Variants in ACBD4 observed in about 807,000 individuals in gnomAD.
ACBD4 encodes acyl-CoA binding domain containing 4.
ACBD4 carries 41 observed loss-of-function variants against 46.0 expected under a neutral mutation model. That is an observed-to-expected ratio of 0.89 (90% confidence interval 0.69 to 1.16). ACBD4 has a LOEUF of 1.16. ACBD4 is among the 50% of genes most tolerant of loss of function. ACBD4 has a pLI of 0.00. For synonymous variants in ACBD4, 162 were observed against 155.9 expected, an observed-to-expected ratio of 1.04 and a Z score of -0.29; for missense variants, 393 against 399.5, an observed-to-expected ratio of 0.98 and a Z score of 0.14.
rs772819405 is a variant in ACBD4, at chr17:45,136,490, C to G, written c.89-10C>G. The stretch of plus-strand genomic sequence containing the variant: ...GATGCTTTGCCCTGGCTTCCCAACT[C>G]TCTGCCCAGGTTCTTACCGCCCCTC... On this transcript the variant is annotated splice_polypyrimidine_tract_variant and intron_variant, in intron 2 of 9. Coordinates refer to ENST00000321854, the MANE Select transcript of ACBD4 (RefSeq NM_001135705.3). 5.6e-6 allele frequency: 9 copies of G among 1,610,090 alleles called. No homozygotes were observed. The highest frequency in any genetic ancestry group is 6.8e-6 in the Non-Finnish European group (8 of 1,177,924).
chr17:45,143,075 T>C (rs2143968677), intron 9 of ACBD4: 1 of 177,716 alleles, frequency 5.6e-6, no homozygotes, highest in South Asian at 1.7e-4. Flanking sequence ...TAGTGGAGAA[T>C]GATACTTGGA....
chr17:45,137,708 C>G (rs776668667), intron 6 of ACBD4, 52 bp from the exon 7 acceptor site: 2 of 1,597,282 alleles, frequency 1.3e-6, no homozygotes, highest in African/African-American at 2.7e-5. Flanking sequence ...CACACTCCTG[C>G]TCTCCCTCCA....
chr17:45,143,901 TTTCCCACCCCTGCTTCTCCCCGAGGAGG>T lies in ACBD4; in HGVS notation c.*333_*360del, dbSNP rs2055443305. 2.8e-6 allele frequency: 1 copy of T among 352,118 alleles called. No homozygotes were observed. Among genetic ancestry groups the T allele is most frequent in the African/African-American group, 2.1e-5 (1 of 47,032 alleles). The allele number at this position is 352,118 out of a possible 1,614,324, so 21.8% of individuals were successfully genotyped here. A position where few individuals can be genotyped will look rare whatever the true frequency, so the allele number is the denominator to read the frequency against. ...TCCCCAGTCTCTGGGTCACCCGAAT[TTTCCCACCCCTGCTTCTCCCCGAGGAGG>T]TTGAGCTCTTGAGCAAGTTGGGACT... On this transcript the variant is annotated 3_prime_UTR_variant, in exon 10 of 10. Transcript: ENST00000321854.
upstream of ACBD4, chr17:45,132,248 CCAT>C: frequency 7.9e-7 from 1 of 1,273,518 alleles, no homozygotes; most frequent in African/African-American, 1.5e-5. This position sits in a 1 kb window ranked among gnomAD's most constrained non-coding sequence, Gnocchi z 4.6. Flanking sequence ...CGTCACTGAC[CCAT>C]CTTCTTCAGC....
upstream of ACBD4, chr17:45,133,191 T>A (rs544820417): frequency 6.6e-6 from 1 of 152,396 alleles, no homozygotes; most frequent in South Asian, 2.1e-4. Flanking sequence ...GTCCGCGACG[T>A]CAACCCGTGG....
At chr17:45,136,437 C>T (rs773750392) in intron 2 of ACBD4, 63 bp from the exon 3 acceptor site, 39 of 1,557,830 alleles carry the variant, frequency 2.5e-5, no homozygotes, top group Non-Finnish European at 3.2e-5. Flanking sequence ...AGGGTTCTCC[C>T]GCCCCTCCGC....
upstream of ACBD4, among the ~76,000 whole-genome samples, chr17:45,133,598 C>G (rs1401304302): frequency 7.7e-6 from 1 of 129,856 alleles, no homozygotes; most frequent in Non-Finnish European, 1.6e-5. Flanking sequence ...GTGGCGGGAT[C>G]TCGGCTCACT....
chr17:45,143,575 T>A lies in ACBD4; in HGVS notation c.*4T>A. 1.2e-6 allele frequency: 2 copies of A among 1,614,056 alleles called. No homozygotes were observed. Among genetic ancestry groups the A allele is most frequent in the Non-Finnish European group, 1.7e-6 (2 of 1,180,008 alleles). On this transcript the variant is annotated 3_prime_UTR_variant, in exon 10 of 10. Transcript: ENST00000321854. ...GTTTCGGACCCAAAAGAGGTGACTG[T>A]CAGTGGAGGGGTCTCTGCAGCCAAC...
chr17:45,134,629 T>G (rs1314464444), upstream of ACBD4, among the ~76,000 whole-genome samples: 1 of 151,602 alleles, frequency 6.6e-6, no homozygotes, highest in African/African-American at 2.4e-5. Context: ...TACAAAAAAT[T>G]AGCTGGGCGT....
In ACBD4 at chr17:45,136,089, C is replaced by T. The variant is rs2143754939; in HGVS notation, c.-37-19C>T. ...GGGGGACCCTGGAGGCCCCCTCACA[C>T]GAAGGCTGCTTCTTGCAGAGTCGCT... On this transcript the variant is annotated intron_variant, in intron 1 of 9. Transcript: ENST00000321854. 6.3e-7 allele frequency: 1 copy of T among 1,589,540 alleles called. No homozygotes were observed.
intron 9 of ACBD4, among the ~76,000 whole-genome samples, chr17:45,142,389 C>CAAAAAAAAAAAAAAAAAAAAAAAAAAAA (rs1161132274): frequency 3.5e-5 from 1 of 28,574 alleles, no homozygotes; most frequent in Non-Finnish European, 5.8e-5. Context: ...CAAGACTCCT[C>CAAAAAAAAAAAAAAAAAAAAAAAAAAAA]AAAAAAAAAA....
intron 9 of ACBD4, chr17:45,142,858 CCA>C (rs1296471728): frequency 6.5e-6 from 1 of 153,230 alleles, no homozygotes; most frequent in African/African-American, 2.4e-5. Flanking sequence ...ACCCGGTCTG[CCA>C]CAGTCATTCT....
chr17:45,132,097 C>T, upstream of ACBD4: 1 of 899,822 alleles, frequency 1.1e-6, no homozygotes. The surrounding 1 kb of genome is among the most constrained non-coding windows in gnomAD (Gnocchi z 4.6). Context: ...AGGTGCGACC[C>T]CCAGCTGGAG....
upstream of ACBD4, chr17:45,132,559 T>C (rs1329914546): frequency 3.2e-4 from 4 of 12,322 alleles, no homozygotes; most frequent in African/African-American, 1.0e-3. This position sits in a 1 kb window ranked among gnomAD's most constrained non-coding sequence, Gnocchi z 4.6. Context: ...CAGCAGGAGG[T>C]GGGGCGGGGC....
Position 45,139,175 on chromosome 17 carries a change from C to G in ACBD4, c.789+15C>G. ...CCCCTGAGCAGGTAGAGTCCCCCACCCCATAGGACAAGATGATGGCAGAAT... is the reference window on the plus strand; with the variant it reads ...CCCCTGAGCAGGTAGAGTCCCCCACGCCATAGGACAAGATGATGGCAGAAT... On this transcript the variant is annotated intron_variant, in intron 9 of 9. Transcript: ENST00000321854. 6.2e-7 allele frequency: 1 copy of G among 1,612,652 alleles called. No individual in the cohort carries two copies. The highest frequency in any genetic ancestry group is 1.1e-5 in the South Asian group (1 of 91,070).
upstream of ACBD4, chr17:45,132,489 C>T: frequency 2.3e-6 from 2 of 858,646 alleles, no homozygotes; most frequent in Non-Finnish European, 2.9e-6. The surrounding 1 kb of genome is among the most constrained non-coding windows in gnomAD (Gnocchi z 4.6). Context: ...GGCCCGGCCC[C>T]GGCTCTGAGC....
Position 45,136,514 on chromosome 17 carries a change from T to A in ACBD4, c.103T>A (p.Ser35Thr). 2 of 1,613,146 alleles carry A rather than the reference T, an allele frequency of 1.2e-6. No homozygotes were observed. Among genetic ancestry groups the A allele is most frequent in the South Asian group, 1.1e-5 (1 of 91,046 alleles). ...TCTCTGCCCAGGTTCTTACCGCCCCTCCTATGAAGAGATGCTGCGATTCTA... is the reference window on the plus strand; with the variant it reads ...TCTCTGCCCAGGTTCTTACCGCCCCACCTATGAAGAGATGCTGCGATTCTA... ...NLPKNGSYRP[S>T]YEEMLRFYSY... The change falls in exon 3 of 10, where the codon TCC (serine) becomes ACC (threonine). Residue 35 changes from serine (S) to threonine (T), a missense_variant. This residue lies in a region of ACBD4 where 61 missense variants were observed against 50.3 expected (regional missense o/e 1.21). Transcript: ENST00000321854.
chr17:45,143,390 G>C lies in ACBD4; in HGVS notation c.790-53G>C, dbSNP rs1207551127. 2.1e-6 allele frequency: 3 copies of C among 1,441,082 alleles called. No individual in the cohort carries two copies. In the African/African-American group the frequency reaches 4.3e-5, roughly 21 times the overall value. The allele number at this position is 1,441,082 out of a possible 1,614,324, so 89.3% of individuals were successfully genotyped here. A position where few individuals can be genotyped will look rare whatever the true frequency, so the allele number is the denominator to read the frequency against. ...ACTGAATTGGAAGCAGGTTCCTAGG[G>C]AGGCTGTGCTGAGGCCTGGACTGGC... is the stretch of plus-strand genomic sequence containing the variant. On this transcript the variant is annotated intron_variant, in intron 9 of 9. Transcript: ENST00000321854.
At chr17:45,135,980 A>G in intron 1 of ACBD4, 27 bp downstream of exon 1, 1 of 658,814 alleles carries the variant, frequency 1.5e-6, no homozygotes, top group Non-Finnish European at 2.5e-6. Context: ...CCTCAACCAC[A>G]ACTTCTGACC....
Sources: allele counts gnomAD v4.1 joint callset (sites outside exome capture counted in the v4.1 genomes callset), GRCh38; gene constraint gnomAD v4.1.1; regional missense constraint gnomAD v4.1.1; non-coding constraint Gnocchi (gnomAD v3.1); transcripts MANE v1.5; gene names NCBI Gene and HGNC (gene_info 2026-07-23, HGNC 2026-07-21).